RBPMS: variants seen among roughly 807,000 people sequenced by gnomAD.
RBPMS encodes the protein RNA binding protein, mRNA processing factor, also known as RNA-binding protein with multiple splicing.
A neutral mutation model predicts 26.8 loss-of-function variants in RBPMS; 7 were observed. That is an observed-to-expected ratio of 0.26 (90% CI 0.15 to 0.49). RBPMS has a LOEUF of 0.49. Among genes scored for constraint, RBPMS ranks in the 20% least tolerant of loss-of-function variants. RBPMS has a pLI of 0.98. For synonymous variants in RBPMS, 96 were observed against 93.3 expected (o/e 1.03, Z -0.17); for missense variants, 186 against 250.0 (o/e 0.74, Z 1.73).
chr8:30,562,466 G>A (rs1400707222), intron 7 of RBPMS, among the ~76,000 whole-genome samples: 8 of 152,108 alleles, frequency 5.3e-5, no homozygotes, highest in Non-Finnish European at 1.2e-4. Flanking sequence ...AATGGTGCCC[G>A]TTACTCCTGC....
intron 1 of RBPMS, among the ~76,000 whole-genome samples, chr8:30,455,066 G>A (rs11991418): frequency 0.011 from 1,704 of 152,246 alleles, 32 homozygotes; most frequent in African/African-American, 0.039. Context: ...CAAGTGATCC[G>A]CCTGCCTTGG....
At chr8:30,439,488 C>T (rs1052549774) in intron 1 of RBPMS, among the ~76,000 whole-genome samples, 1 of 152,176 alleles carries the variant, frequency 6.6e-6, no homozygotes, top group Non-Finnish European at 1.5e-5. Flanking sequence ...GCTGACTTTG[C>T]AGTGAGGGTC....
At chr8:30,555,655 C>T (rs1043426875) in intron 6 of RBPMS, among the ~76,000 whole-genome samples, 5 of 152,198 alleles carry the variant, frequency 3.3e-5, no homozygotes, top group African/African-American at 1.2e-4. Context: ...GCATGGAAGG[C>T]CAGCCCTTGT....
chr8:30,489,448 T>C (rs1409835046), intron 4 of RBPMS, among the ~76,000 whole-genome samples: 1 of 151,924 alleles, frequency 6.6e-6, no homozygotes, highest in African/African-American at 2.4e-5. Context: ...ATTCCTAAAG[T>C]CTCTTTTTCT....
intron 1 of RBPMS, among the ~76,000 whole-genome samples, chr8:30,414,742 T>A (rs1809861644): frequency 6.6e-6 from 1 of 152,146 alleles, no homozygotes; most frequent in Admixed American, 6.5e-5. Flanking sequence ...TTATTGAGGA[T>A]CCTGGGAAAA....
intron 4 of RBPMS, among the ~76,000 whole-genome samples, chr8:30,479,623 G>C (rs1230296471): frequency 6.6e-6 from 1 of 152,202 alleles, no homozygotes; most frequent in African/African-American, 2.4e-5. Context: ...GACATCTGAT[G>C]ATGTGGGTCT....
At chr8:30,433,971 G>A (rs1377728761) in intron 1 of RBPMS, among the ~76,000 whole-genome samples, 1 of 152,050 alleles carries the variant, frequency 6.6e-6, no homozygotes, top group Admixed American at 6.6e-5. Flanking sequence ...ATTCTTTGAG[G>A]TGGATAAACC....
chr8:30,393,357 G>C (rs1208627616), intron 1 of RBPMS, among the ~76,000 whole-genome samples: 1 of 151,722 alleles, frequency 6.6e-6, no homozygotes, highest in African/African-American at 2.4e-5. Context: ...GCACCTAAAA[G>C]GAAAGATCAA....
chr8:30,514,736 C>T (rs1018023233), intron 5 of RBPMS, among the ~76,000 whole-genome samples: 14 of 135,470 alleles, frequency 1.0e-4, no homozygotes, highest in South Asian at 2.5e-4. Flanking sequence ...ATGTTGGCCA[C>T]GCTGGTCTCA....
chr8:30,462,278 A>G (rs904943277), intron 1 of RBPMS, among the ~76,000 whole-genome samples: 3 of 152,222 alleles, frequency 2.0e-5, no homozygotes, highest in African/African-American at 7.2e-5. Flanking sequence ...AACCAGTGTT[A>G]TCATTGTTTT....
At chr8:30,538,006 G>A (rs1824977390) in intron 5 of RBPMS, among the ~76,000 whole-genome samples, 1 of 152,198 alleles carries the variant, frequency 6.6e-6, no homozygotes, top group South Asian at 2.1e-4. Flanking sequence ...TGAGTTTAGG[G>A]TGTTTACATT....
At chr8:30,498,629 G>C (rs1820227670) in intron 4 of RBPMS, among the ~76,000 whole-genome samples, 1 of 152,090 alleles carries the variant, frequency 6.6e-6, no homozygotes, top group Non-Finnish European at 1.5e-5. Flanking sequence ...TTAGACTAAA[G>C]ACAAAAAACT....
At position 30,385,173 on chromosome 8, in the gene RBPMS, G is replaced by A. The variant is rs879197450; in HGVS notation, c.66+15G>A. 1 of 1,472,556 alleles carries A rather than the reference G, an allele frequency of 6.8e-7. No homozygotes were observed. Among genetic ancestry groups the A allele is most frequent in the Non-Finnish European group, 9.0e-7 (1 of 1,108,798 alleles). 91.2% of individuals were successfully genotyped at this position (1,472,556 alleles called of 1,614,324 possible). ...AGGAGGAGGAGGTACTGGGCGGCTC[G>A]GTGTGGTGGCGGGGGCGACGCGGGA... On this transcript the variant is annotated intron_variant, in intron 1 of 8. Transcript: ENST00000397323.
chr8:30,556,105 G>C, intron 6 of RBPMS: 1 of 985,360 alleles, frequency 1.0e-6, no homozygotes, highest in Non-Finnish European at 1.2e-6. Flanking sequence ...GGTGAGAAGA[G>C]CCCCCCACTT....
intron 5 of RBPMS, among the ~76,000 whole-genome samples, chr8:30,536,163 T>C (rs1824777372): frequency 6.6e-6 from 1 of 151,400 alleles, no homozygotes; most frequent in African/African-American, 2.4e-5. Flanking sequence ...GTTTCACTCT[T>C]GTTGCCCAGG....
intron 1 of RBPMS, 85 bp downstream of exon 1, chr8:30,385,243 T>C: frequency 1.0e-6 from 1 of 962,874 alleles, no homozygotes; most frequent in African/African-American, 1.8e-5. Context: ...GGCGCGGCGG[T>C]GGAAGAAGGT....
chr8:30,416,573 C>T (rs1206241471), intron 1 of RBPMS, among the ~76,000 whole-genome samples: 1 of 152,128 alleles, frequency 6.6e-6, no homozygotes, highest in Admixed American at 6.5e-5. Context: ...AGCTCCGTCT[C>T]CTGGGTTCAT....
At chr8:30,416,759 C>G (rs1206689609) in intron 1 of RBPMS, among the ~76,000 whole-genome samples, 1 of 151,740 alleles carries the variant, frequency 6.6e-6, no homozygotes, top group Admixed American at 6.6e-5. Context: ...AGGTGTGAGC[C>G]ACTGCACCCT....
intron 6 of RBPMS, among the ~76,000 whole-genome samples, chr8:30,549,811 T>TC (rs1240289060): frequency 4.3e-4 from 57 of 132,396 alleles, no homozygotes; most frequent in South Asian, 7.1e-4. Flanking sequence ...CTCTCCTCTC[T>TC]CTCTCTCTCT....
Sources: gnomAD v4.1 joint callset for allele counts (sites outside exome capture counted in the v4.1 genomes callset) on GRCh38, gnomAD v4.1.1 for gene constraint, MANE v1.5 for transcripts, NCBI Gene and HGNC (gene_info 2026-07-23, HGNC 2026-07-21) for gene names.